The following AKAP6 variants were observed in gnomAD, a reference collection of about 807,000 sequenced individuals.
The protein encoded by AKAP6 is A-kinase anchoring protein 6.
Under a neutral mutation model 188.5 loss-of-function variants are expected in AKAP6, and 58 were observed. That is an observed-to-expected ratio of 0.31 (90% CI 0.25 to 0.38). AKAP6 has a LOEUF of 0.38. Among genes scored for constraint, AKAP6 ranks in the 10% least tolerant of loss-of-function variants. The pLI is 1.00. For synonymous variants in AKAP6, 989 were observed against 998.6 expected, an observed-to-expected ratio of 0.99 and a Z score of 0.18; for missense variants, 2,710 against 2,740.0, an observed-to-expected ratio of 0.99 and a Z score of 0.24.
At chr14:32,746,950 A>G (rs569419694) in intron 11 of AKAP6, among the ~76,000 whole-genome samples, 1 of 152,324 alleles carries the variant, frequency 6.6e-6, no homozygotes, top group Admixed American at 6.5e-5. Context: ...AAGGATTTCA[A>G]ATTAACAATA....
At chr14:32,712,446 CA>C (rs2029935640) in intron 9 of AKAP6, among the ~76,000 whole-genome samples, 1 of 151,982 alleles carries the variant, frequency 6.6e-6, no homozygotes, top group Non-Finnish European at 1.5e-5. Context: ...GGCTCTTTCA[CA>C]AAGGATTTCT....
At chr14:32,508,300 C>T (rs1880977711) in intron 2 of AKAP6, among the ~76,000 whole-genome samples, 1 of 152,190 alleles carries the variant, frequency 6.6e-6, no homozygotes. Context: ...AGGGATTAGA[C>T]ATACTGGAGG....
At chr14:32,702,742 C>G (rs952078799) in intron 9 of AKAP6, among the ~76,000 whole-genome samples, 2 of 152,144 alleles carry the variant, frequency 1.3e-5, no homozygotes, top group African/African-American at 4.8e-5. Context: ...CCTGGCCTGG[C>G]TGGCTCTGGC....
chr14:32,640,401 G>C (rs1045005705), intron 7 of AKAP6, among the ~76,000 whole-genome samples: 1 of 152,000 alleles, frequency 6.6e-6, no homozygotes, highest in South Asian at 2.1e-4. Context: ...CTTTGATTTA[G>C]GCCCTAGAGA....
intron 11 of AKAP6, among the ~76,000 whole-genome samples, chr14:32,745,147 G>A (rs888031072): frequency 2.0e-5 from 3 of 152,074 alleles, no homozygotes; most frequent in South Asian, 4.2e-4. Flanking sequence ...TTCCTGGAAT[G>A]TGTTGATTCT....
chr14:32,610,376 C>G (rs1027673540), intron 7 of AKAP6, among the ~76,000 whole-genome samples: 3 of 152,148 alleles, frequency 2.0e-5, no homozygotes, highest in African/African-American at 7.2e-5. Flanking sequence ...TTGTTCTTTG[C>G]TCTTGCTCAT....
rs76222098 is a variant in AKAP6 at position 32,490,856 on chromosome 14, A to C, written c.325-44698A>C. The stretch of plus-strand genomic sequence containing the variant: ...TCTCAGTGAGGTAGTTGGTCTACAT[A>C]GGCTAGTCTGCTATAATCAGAAGGA... On this transcript the variant is annotated intron_variant, in intron 2 of 13. Coordinates refer to ENST00000280979, the MANE Select transcript of AKAP6 (RefSeq NM_004274.5). Among the ~76,000 whole-genome samples the C allele has an allele frequency of 5.3e-3, 809 of 152,308 alleles. 14 individuals carry two copies. The highest frequency in any genetic ancestry group is 0.018 in the African/African-American group (759 of 41,554).
chr14:32,613,674 G>A (rs941338345), intron 7 of AKAP6, among the ~76,000 whole-genome samples: 4 of 152,058 alleles, frequency 2.6e-5, no homozygotes, highest in Non-Finnish European at 4.4e-5. Flanking sequence ...TTACTGTGTT[G>A]GAATTTTCCT....
At chr14:32,699,179 T>C (rs1890526412) in intron 9 of AKAP6, among the ~76,000 whole-genome samples, 1 of 152,134 alleles carries the variant, frequency 6.6e-6, no homozygotes, top group African/African-American at 2.4e-5. Flanking sequence ...TTTACCTATA[T>C]ATTTTTATAT....
chr14:32,376,428 G>T (rs1482759692), intron 1 of AKAP6, among the ~76,000 whole-genome samples: 1 of 152,084 alleles, frequency 6.6e-6, no homozygotes, highest in African/African-American at 2.4e-5. Flanking sequence ...CCCTCCTGTG[G>T]CCCCAGGAAA....
chr14:32,704,896 T>C (rs74041666), intron 9 of AKAP6, among the ~76,000 whole-genome samples: 5,618 of 152,242 alleles, frequency 0.037, 346 homozygotes, highest in African/African-American at 0.13. Flanking sequence ...TTCTAGTTTT[T>C]ATAGTTTATT....
At position 32,825,901 on chromosome 14, in the gene AKAP6, C is replaced by CT. The variant is rs1031862821; in HGVS notation, c.*42+1092dup. Among the ~76,000 whole-genome samples the CT allele has an allele frequency of 6.6e-5, 10 of 152,204 alleles. No homozygotes were observed. In the South Asian group the frequency reaches 8.3e-4, roughly 13 times the overall value. ...TATACTTAACTATGCTAAAGATTAT[C>CT]TTTTTTGTGGCAGATTGTTTATTTT... is the stretch of plus-strand genomic sequence containing the variant. On this transcript the variant is annotated intron_variant, in intron 13 of 13. Transcript: ENST00000280979.
At chr14:32,376,006 C>G (rs2138533569) in intron 1 of AKAP6, 1 of 152,248 alleles carries the variant, frequency 6.6e-6, no homozygotes, top group Middle Eastern at 3.4e-3. Context: ...CTAGGACTTC[C>G]AAAGTATTTT....
intron 2 of AKAP6, among the ~76,000 whole-genome samples, chr14:32,476,294 AT>A (rs1320805879): frequency 6.6e-5 from 10 of 152,176 alleles, no homozygotes; most frequent in Admixed American, 6.5e-4. Flanking sequence ...ATCTTTATCC[AT>A]AGAAGGCTAG....
At chr14:32,757,089 C>A (rs1403472807) in intron 11 of AKAP6, among the ~76,000 whole-genome samples, 4 of 152,160 alleles carry the variant, frequency 2.6e-5, no homozygotes, top group Non-Finnish European at 2.9e-5. Context: ...TGGTGGGTGT[C>A]TTTCCATGTT....
intron 12 of AKAP6, among the ~76,000 whole-genome samples, chr14:32,781,848 T>G (rs572400782): frequency 6.6e-6 from 1 of 152,210 alleles, no homozygotes; most frequent in African/African-American, 2.4e-5. Flanking sequence ...ATATCCTTCC[T>G]GATAAAAACT....
In AKAP6 at chr14:32,600,771, G is replaced by A; in HGVS notation, c.2709G>A (p.Glu903=). The A allele has an allele frequency of 6.2e-7, 1 of 1,607,512 alleles. No homozygotes were observed. The highest frequency in any genetic ancestry group is 1.1e-5 in the South Asian group (1 of 89,746). Residue 903 remains glutamate, a synonymous_variant, in exon 7 of 14, where the codon GAG becomes GAA. Transcript: ENST00000280979. ...ILATDVSVED[E]EGTGSPKAEV... ...CTACTGATGTGTCTGTGGAGGATGA[G>A]GAAGGGACTGGAAGCCCCAAGGTAA... is the stretch of plus-strand genomic sequence containing the variant.
intron 1 of AKAP6, among the ~76,000 whole-genome samples, chr14:32,404,860 G>A (rs1013815812): frequency 6.6e-5 from 10 of 150,648 alleles, no homozygotes; most frequent in Admixed American, 2.0e-4. Context: ...GGTGAGGGCA[G>A]TGTCTTTCCA....
chr14:32,380,489 G>T (rs907442988), intron 1 of AKAP6, among the ~76,000 whole-genome samples: 2 of 152,202 alleles, frequency 1.3e-5, no homozygotes, highest in Non-Finnish European at 2.9e-5. Context: ...CTGAATAAAT[G>T]AATGAAGATT....
Sources: allele counts gnomAD v4.1 joint callset (sites outside exome capture counted in the v4.1 genomes callset), GRCh38; gene constraint gnomAD v4.1.1; transcripts MANE v1.5; gene names NCBI Gene and HGNC (gene_info 2026-07-23, HGNC 2026-07-21).